FAM222B: variants seen among roughly 807,000 people sequenced by gnomAD.
FAM222B encodes the protein family with sequence similarity 222 member B.
Under a neutral mutation model 38.0 loss-of-function variants are expected in FAM222B, and 12 were observed. The observed-to-expected ratio is 0.32, with a 90% confidence interval of 0.20 to 0.51. FAM222B has a LOEUF of 0.51. FAM222B is among the 20% of genes least tolerant of loss of function. The pLI is 0.97. For missense variants in FAM222B, 716 were observed against 754.2 expected, an observed-to-expected ratio of 0.95 and a Z score of 0.59; for synonymous variants, 329 against 317.2, an observed-to-expected ratio of 1.04 and a Z score of -0.40.
intron 1 of FAM222B, among the ~76,000 whole-genome samples, chr17:28,815,800 TAAAAA>T (rs937083605): frequency 6.7e-6 from 1 of 150,322 alleles, no homozygotes; most frequent in South Asian, 2.1e-4. Flanking sequence ...CTGTCTCTAC[TAAAAA>T]AAAGTACAAA....
At chr17:28,816,607 G>A (rs757593370) in intron 1 of FAM222B, among the ~76,000 whole-genome samples, 1 of 150,038 alleles carries the variant, frequency 6.7e-6, no homozygotes, top group Non-Finnish European at 1.5e-5. Context: ...CAATCAAAAC[G>A]ACACAGTTCC....
chr17:28,836,330 T>A (rs1881663399), intron 1 of FAM222B, among the ~76,000 whole-genome samples: 1 of 151,924 alleles, frequency 6.6e-6, no homozygotes, highest in Non-Finnish European at 1.5e-5. Flanking sequence ...CATGAAATAG[T>A]ATGATCCAGT....
chr17:28,764,854 G>A (rs1400862633), intron 2 of FAM222B, among the ~76,000 whole-genome samples: 1 of 152,124 alleles, frequency 6.6e-6, no homozygotes, highest in East Asian at 1.9e-4. Context: ...ACATCTTTGG[G>A]TAAAGCTGTC....
At chr17:28,822,624 C>T (rs2038267896) in intron 1 of FAM222B, among the ~76,000 whole-genome samples, 2 of 139,194 alleles carry the variant, frequency 1.4e-5, no homozygotes, top group South Asian at 2.3e-4. Context: ...GAAACTCCAC[C>T]ACAAAAAATA....
chr17:28,777,823 A>AGGT (rs1192365359), intron 1 of FAM222B, among the ~76,000 whole-genome samples: 1 of 151,256 alleles, frequency 6.6e-6, no homozygotes, highest in Admixed American at 6.6e-5. Context: ...GGTCTCACTT[A>AGGT]GGTGGTCCAG....
Position 28,758,028 on chromosome 17 carries a change from G to T in FAM222B, c.*242C>A, listed in dbSNP as rs1470311597. 7.2e-6 allele frequency: 3 copies of T among 415,234 alleles called. No homozygotes were observed. The highest frequency in any genetic ancestry group is 7.8e-5 in the East Asian group (2 of 25,530). The allele number at this position is 415,234 out of a possible 1,614,324, so 25.7% of individuals were successfully genotyped here. A position where few individuals can be genotyped will look rare whatever the true frequency, so the allele number is the denominator to read the frequency against. ...CCAAGGTGGAGAGACTAGCTGACAG[G>T]CAGTCAGTGGAGAGAAAAGCCTGGG... On this transcript the variant is annotated 3_prime_UTR_variant, in exon 3 of 3. Coordinates refer to ENST00000581407, the MANE Select transcript of FAM222B (RefSeq NM_001077498.3).
At chr17:28,850,941 A>G (rs1845033405) in intron 1 of FAM222B, among the ~76,000 whole-genome samples, 1 of 151,746 alleles carries the variant, frequency 6.6e-6, no homozygotes, top group South Asian at 2.1e-4. Flanking sequence ...CAATATGGTG[A>G]AACCCCGTCT....
At chr17:28,799,072 T>C (rs1426600864) in intron 1 of FAM222B, among the ~76,000 whole-genome samples, 1 of 151,504 alleles carries the variant, frequency 6.6e-6, no homozygotes, top group Non-Finnish European at 1.5e-5. Flanking sequence ...CCTCCCGGGT[T>C]CAAGCAATTC....
intron 1 of FAM222B, among the ~76,000 whole-genome samples, chr17:28,771,517 T>C (rs2035632800): frequency 6.6e-6 from 1 of 151,328 alleles, no homozygotes; most frequent in Non-Finnish European, 1.5e-5. Flanking sequence ...CCGTCTCTAC[T>C]CAAAATACAA....
At position 28,756,733 on chromosome 17, in the gene FAM222B, T is replaced by A. The variant is rs1354642742; in HGVS notation, c.*1537A>T. The A allele has an allele frequency of 6.6e-6, 1 of 152,580 alleles. No individual in the cohort carries two copies. The highest frequency in any genetic ancestry group is 2.4e-5 in the African/African-American group (1 of 41,438). 9.5% of individuals were successfully genotyped at this position (152,580 alleles called of 1,614,324 possible). ...TGGCATAACACAATCAGGCTTTTTTTTTTTTCTTTTTCCTTTTAAATATAA... is the reference window on the plus strand; with the variant it reads ...TGGCATAACACAATCAGGCTTTTTTATTTTTCTTTTTCCTTTTAAATATAA... On this transcript the variant is annotated 3_prime_UTR_variant, in exon 3 of 3. Coordinates refer to ENST00000581407, the MANE Select transcript of FAM222B (RefSeq NM_001077498.3).
intron 1 of FAM222B, among the ~76,000 whole-genome samples, chr17:28,798,526 T>C (rs1187141783): frequency 1.3e-5 from 2 of 152,198 alleles, no homozygotes; most frequent in Non-Finnish European, 2.9e-5. Context: ...TTAGTTTCAG[T>C]GCAAGACAGC....
intron 1 of FAM222B, among the ~76,000 whole-genome samples, chr17:28,796,625 T>TTA (rs2036950465): frequency 6.6e-6 from 1 of 152,152 alleles, no homozygotes; most frequent in Non-Finnish European, 1.5e-5. Flanking sequence ...GAAGCTACTG[T>TTA]TATACTAACA....
At chr17:28,828,547 C>A (rs1200741628) in intron 1 of FAM222B, among the ~76,000 whole-genome samples, 1 of 149,104 alleles carries the variant, frequency 6.7e-6, no homozygotes, top group Non-Finnish European at 1.5e-5. Context: ...CCAGCCTGAG[C>A]TACAGAGAAG....
intron 1 of FAM222B, among the ~76,000 whole-genome samples, chr17:28,790,884 C>CAATTTTT (rs71135852): frequency 2.3e-5 from 2 of 86,062 alleles, no homozygotes; most frequent in African/African-American, 4.6e-5. Flanking sequence ...AATTGTTTCA[C>CAATTTTT]TTTTTTTTTT....
intron 1 of FAM222B, among the ~76,000 whole-genome samples, chr17:28,816,640 CA>C (rs201311457): frequency 6.7e-6 from 1 of 149,086 alleles, no homozygotes; most frequent in Non-Finnish European, 1.5e-5. Context: ...ATAAAAAAAA[CA>C]AAAAAAAACA....
upstream of FAM222B, among the ~76,000 whole-genome samples, chr17:28,846,832 A>G (rs991704298): frequency 6.6e-6 from 1 of 152,088 alleles, no homozygotes; most frequent in African/African-American, 2.4e-5. Flanking sequence ...TCATGCCTGT[A>G]AACTCAGCAC....
chr17:28,853,733 T>A (rs1235947528), intron 1 of FAM222B, among the ~76,000 whole-genome samples: 1 of 152,098 alleles, frequency 6.6e-6, no homozygotes, highest in East Asian at 1.9e-4. Context: ...GCTTTATACA[T>A]CTTCCTCCAT....
intron 1 of FAM222B, among the ~76,000 whole-genome samples, chr17:28,791,355 G>T (rs1290751456): frequency 6.6e-6 from 1 of 151,970 alleles, no homozygotes; most frequent in African/African-American, 2.4e-5. Context: ...GTGCCACTGG[G>T]GTTCTTGCCA....
At chr17:28,777,891 T>C (rs2035964707) in intron 1 of FAM222B, among the ~76,000 whole-genome samples, 1 of 151,766 alleles carries the variant, frequency 6.6e-6, no homozygotes, top group African/African-American at 2.4e-5. Context: ...TGGGTTCAGG[T>C]GATCCTCCAA....
Sources: gnomAD v4.1 joint callset for allele counts (sites outside exome capture counted in the v4.1 genomes callset) on GRCh38, gnomAD v4.1.1 for gene constraint, MANE v1.5 for transcripts, NCBI Gene and HGNC (gene_info 2026-07-23, HGNC 2026-07-21) for gene names.